The following ARHGAP42 variants were observed in gnomAD, a reference collection of about 807,000 sequenced individuals.
The protein encoded by ARHGAP42 is Rho GTPase activating protein 42, also known as rho GTPase-activating protein 42.
ARHGAP42 carries 63 observed loss-of-function variants against 125.0 expected under a neutral mutation model. The observed-to-expected ratio is 0.50, with a 90% CI of 0.41 to 0.62. The LOEUF is 0.62. Ranked by LOEUF, ARHGAP42 falls within the 20% of genes least tolerant of loss-of-function variation. The probability of loss-of-function intolerance (pLI) is 0.00; values close to 1 mark genes in which losing one functional copy is unlikely to be tolerated. For missense variants in ARHGAP42, 766 were observed against 1,024.2 expected, an observed-to-expected ratio of 0.75 and a Z score of 3.44; for synonymous variants, 339 against 351.0, an observed-to-expected ratio of 0.97 and a Z score of 0.38.
chr11:100,977,223 T>C (rs1858416898), intron 21 of ARHGAP42, among the ~76,000 whole-genome samples: 1 of 152,170 alleles, frequency 6.6e-6, no homozygotes, highest in South Asian at 2.1e-4. Context: ...ATGACTTAAT[T>C]TGAGGAAATG....
intron 3 of ARHGAP42, among the ~76,000 whole-genome samples, chr11:100,836,052 TAA>T (rs1466924844): frequency 6.6e-6 from 1 of 152,070 alleles, no homozygotes; most frequent in Non-Finnish European, 1.5e-5. Context: ...AGTTCACACT[TAA>T]TAAAGAGTTT....
chr11:100,910,229 T>C, intron 4 of ARHGAP42, among the ~76,000 whole-genome samples: 1 of 152,306 alleles, frequency 6.6e-6, no homozygotes, highest in South Asian at 2.1e-4. Flanking sequence ...TCTCTGTCTC[T>C]CCATCTTTAT....
intron 19 of ARHGAP42, 141 bp from the exon 20 acceptor site, chr11:100,975,916 G>T: frequency 1.2e-6 from 1 of 859,518 alleles, no homozygotes; most frequent in Non-Finnish European, 1.7e-6. Flanking sequence ...ACAGTTCTCC[G>T]TACTAGGTAG....
chr11:100,721,408 G>A (rs1270763730), intron 1 of ARHGAP42, among the ~76,000 whole-genome samples: 1 of 151,800 alleles, frequency 6.6e-6, no homozygotes, highest in Admixed American at 6.6e-5. Context: ...CTTTCACTTA[G>A]CAATATGCAT....
chr11:100,784,198 A>C (rs991435403), intron 2 of ARHGAP42, among the ~76,000 whole-genome samples: 1 of 152,232 alleles, frequency 6.6e-6, no homozygotes, highest in Non-Finnish European at 1.5e-5. Flanking sequence ...TTCTAAGTGC[A>C]AAGTTTGAGA....
intron 3 of ARHGAP42, among the ~76,000 whole-genome samples, chr11:100,854,695 G>A (rs1344585743): frequency 6.6e-6 from 1 of 152,098 alleles, no homozygotes; most frequent in Non-Finnish European, 1.5e-5. Context: ...TCTATATTAT[G>A]TAGCTATAGA....
At chr11:100,701,720 A>G (rs956646383) in intron 1 of ARHGAP42, among the ~76,000 whole-genome samples, 13 of 152,202 alleles carry the variant, frequency 8.5e-5, no homozygotes, top group African/African-American at 2.9e-4. Flanking sequence ...GCTTAATGCA[A>G]TATTGTGGCT....
Position 100,778,781 on chromosome 11 carries a change from G to A in ARHGAP42, c.250+8343G>A, listed in dbSNP as rs1400285421. ...AAAGCTTAGGTGTTTCATATTTCAG[G>A]CTTCGAGTTAAAAAACAACCTGAAA... On this transcript the variant is annotated intron_variant, in intron 2 of 23. Coordinates refer to ENST00000298815, the MANE Select transcript of ARHGAP42 (RefSeq NM_152432.4). 3.3e-5 allele frequency among the ~76,000 whole-genome samples: 5 copies of A among 152,066 alleles called. No homozygotes were observed. In the East Asian group the frequency reaches 9.7e-4, roughly 29 times the overall value.
chr11:100,933,388 A>G (rs1427562111), intron 7 of ARHGAP42, 128 bp downstream of exon 7: 1 of 538,350 alleles, frequency 1.9e-6, no homozygotes, highest in Non-Finnish European at 3.1e-6. Flanking sequence ...TCTTAGTTAG[A>G]AAAATTTATA....
chr11:100,776,752 G>A (rs1863135611), intron 2 of ARHGAP42, among the ~76,000 whole-genome samples: 1 of 152,088 alleles, frequency 6.6e-6, no homozygotes, highest in Non-Finnish European at 1.5e-5. Context: ...GGAGGCCTAG[G>A]CAGGCAGATC....
rs921436812 is a variant in ARHGAP42 at position 100,961,704 on chromosome 11, A to G, written c.1321A>G (p.Ile441Val). Reference sequence around the variant, plus strand: ...TCCAGCTCCTAAATCCCCTCCTGATATTGATATTGATATTGAACTGTGGGA... The same window carrying G: ...TCCAGCTCCTAAATCCCCTCCTGATGTTGATATTGATATTGAACTGTGGGA... ...TTFSPKSPPD[I>V]DIDIELWDNK... is the part of the protein sequence containing the mutation. The change falls in exon 15 of 24, where the codon ATT (isoleucine) becomes GTT (valine). Residue 441 changes from isoleucine (I) to valine (V), a missense_variant. Physicochemically the swap from Ile to Val is conservative, Grantham distance 29 (BLOSUM62 3). This residue lies in a region of ARHGAP42 where 455 missense variants were observed against 636.5 expected (regional missense o/e 0.71). Coordinates refer to ENST00000298815, the MANE Select transcript of ARHGAP42 (RefSeq NM_152432.4). 3.9e-6 allele frequency: 6 copies of G among 1,550,502 alleles called. No homozygotes were observed. In the African/African-American group the frequency reaches 5.5e-5, roughly 14 times the overall value.
chr11:100,987,152 G>A (rs981677536), intron 22 of ARHGAP42, among the ~76,000 whole-genome samples: 1 of 152,078 alleles, frequency 6.6e-6, no homozygotes, highest in Non-Finnish European at 1.5e-5. Flanking sequence ...AAGCTTTGGG[G>A]TACCTAGGAA....
At chr11:100,781,890 G>C (rs968659459) in intron 2 of ARHGAP42, among the ~76,000 whole-genome samples, 2 of 151,938 alleles carry the variant, frequency 1.3e-5, no homozygotes, top group African/African-American at 4.8e-5. Flanking sequence ...TGGTGCAAAA[G>C]GAGTAACTGA....
intron 3 of ARHGAP42, among the ~76,000 whole-genome samples, chr11:100,808,721 A>AT (rs1195612160): frequency 2.6e-5 from 4 of 152,210 alleles, no homozygotes; most frequent in Non-Finnish European, 4.4e-5. Flanking sequence ...ACTCTTAACT[A>AT]TAAAAAATAA....
rs187331129 is a variant in ARHGAP42, at chr11:100,830,180, C to T, written c.313-29374C>T. On this transcript the variant is annotated intron_variant, in intron 3 of 23. Transcript: ENST00000298815. ...ATCTCAATTTTCAATATTACACATG[C>T]GTGTGTCTCACCAGGAGGAATATAT... Among the ~76,000 whole-genome samples the T allele has an allele frequency of 2.5e-3, 377 of 152,280 alleles. 1 individual carries two copies. The highest frequency in any genetic ancestry group is 6.8e-3 in the Middle Eastern group (2 of 294).
Position 100,877,573 on chromosome 11 carries a change from A to G in ARHGAP42, c.384+17948A>G, listed in dbSNP as rs537200564. Among the ~76,000 whole-genome samples the G allele has an allele frequency of 3.4e-4, 52 of 152,284 alleles. 1 individual carries two copies. Among genetic ancestry groups the G allele is most frequent in the African/African-American group, 1.2e-3 (50 of 41,550 alleles). ...CTACCTCAGATTTGTCTGTATCTTGAGTCTGGCTTTCCAGAGATTCAGTTG... is the reference window on the plus strand; with the variant it reads ...CTACCTCAGATTTGTCTGTATCTTGGGTCTGGCTTTCCAGAGATTCAGTTG... On this transcript the variant is annotated intron_variant, in intron 4 of 23. Transcript: ENST00000298815.
intron 4 of ARHGAP42, among the ~76,000 whole-genome samples, chr11:100,910,292 C>T (rs918347466): frequency 6.6e-6 from 1 of 152,098 alleles, no homozygotes; most frequent in Non-Finnish European, 1.5e-5. Context: ...AAAAACAGTA[C>T]TATGCTTTAT....
intron 16 of ARHGAP42, among the ~76,000 whole-genome samples, chr11:100,963,155 A>G (rs1944431): frequency 2.3e-4 from 35 of 152,350 alleles, no homozygotes; most frequent in African/African-American, 7.9e-4. Flanking sequence ...GTATTCCTCA[A>G]TCTGGAGATG....
chr11:100,730,571 C>T (rs761971135), intron 1 of ARHGAP42, among the ~76,000 whole-genome samples: 4 of 152,168 alleles, frequency 2.6e-5, no homozygotes, highest in Middle Eastern at 3.2e-3. Context: ...TCAGAATTGG[C>T]ATATGTCTTT....
Sources: allele counts gnomAD v4.1 joint callset (sites outside exome capture counted in the v4.1 genomes callset), GRCh38; gene constraint gnomAD v4.1.1; regional missense constraint gnomAD v4.1.1; transcripts MANE v1.5; gene names NCBI Gene and HGNC (gene_info 2026-07-23, HGNC 2026-07-21).